The following TMCO1 variants were observed in gnomAD, a reference collection of about 807,000 sequenced individuals.
The protein encoded by TMCO1 is transmembrane and coiled-coil domains 1, also known as calcium load-activated calcium channel.
A neutral mutation model predicts 29.3 loss-of-function variants in TMCO1; 29 were observed. That is an observed-to-expected ratio of 0.99 (90% CI 0.74 to 1.35). The LOEUF is 1.35. Among genes scored for constraint, TMCO1 ranks in the 40% most tolerant of loss-of-function variants. The pLI is 0.00. For synonymous variants in TMCO1, 80 were observed against 77.1 expected, an observed-to-expected ratio of 1.04 and a Z score of -0.20; for missense variants, 173 against 225.5, an observed-to-expected ratio of 0.77 and a Z score of 1.49.
chr1:165,752,148 C>T lies in TMCO1; in HGVS notation c.277G>A (p.Ala93Thr). The change falls in exon 5 of 7, where the codon GCT (alanine) becomes ACT (threonine). Residue 93 changes from alanine (A) to threonine (T), a missense_variant. Coordinates refer to ENST00000367881, the MANE Select transcript of TMCO1 (RefSeq NM_019026.6). ...LSMVRMKSMF[A>T]IGFCFTALMG... ...AGGGCAGTAAAACAAAAGCCAATAG[C>T]AAACATGGATTTCATTCGAACCTGT... 1 of 1,612,596 alleles carries T rather than the reference C, an allele frequency of 6.2e-7. No homozygotes were observed. Among genetic ancestry groups the T allele is most frequent in the South Asian group, 1.1e-5 (1 of 91,012 alleles).
intron 1 of TMCO1, 191 bp downstream of exon 1, chr1:165,768,491 A>G (rs1216261389): frequency 3.2e-6 from 5 of 1,544,470 alleles, no homozygotes; most frequent in Non-Finnish European, 4.4e-6. Flanking sequence ...CCTGAGACCA[A>G]AGAAAACTCG....
intron 6 of TMCO1, among the ~76,000 whole-genome samples, chr1:165,739,269 C>T (rs1197313558): frequency 6.6e-6 from 1 of 152,206 alleles, no homozygotes; most frequent in African/African-American, 2.4e-5. Context: ...TTTACAGAAA[C>T]AGTTTGCCGA....
At chr1:165,753,196 G>A (rs904862927) in intron 4 of TMCO1, among the ~76,000 whole-genome samples, 1 of 152,104 alleles carries the variant, frequency 6.6e-6, no homozygotes, top group Non-Finnish European at 1.5e-5. Flanking sequence ...AAAAGAGCCA[G>A]GCACGGTAGC....
chr1:165,753,784 A>G (rs1652085303), intron 4 of TMCO1, among the ~76,000 whole-genome samples: 1 of 152,158 alleles, frequency 6.6e-6, no homozygotes, highest in African/African-American at 2.4e-5. Context: ...GCATTCCAGC[A>G]TGGTTGACAA....
intron 5 of TMCO1, among the ~76,000 whole-genome samples, chr1:165,749,129 T>C (rs1045136272): frequency 1.3e-5 from 2 of 152,240 alleles, no homozygotes; most frequent in Admixed American, 1.3e-4. Flanking sequence ...CAATTATGAA[T>C]AAACCTGCTA....
rs184996906 is a variant in TMCO1, at chr1:165,760,726, G to A, written c.149-1142C>T. Among the ~76,000 whole-genome samples, 474 of 152,100 alleles carry A rather than the reference G, an allele frequency of 3.1e-3. 2 individuals are homozygous for A. Among genetic ancestry groups the A allele is most frequent in the African/African-American group, 7.2e-3 (298 of 41,486 alleles). On this transcript the variant is annotated intron_variant, in intron 2 of 6. Transcript: ENST00000367881. ...AGAGGCAAGAGAATCGCTTGAACCC[G>A]GAAGGCAGAAGTTGCAGTGAGCCAA... is the stretch of plus-strand genomic sequence containing the variant.
At chr1:165,737,743 C>T (rs1651446968) in intron 6 of TMCO1, among the ~76,000 whole-genome samples, 1 of 152,084 alleles carries the variant, frequency 6.6e-6, no homozygotes, top group Non-Finnish European at 1.5e-5. Flanking sequence ...AATTCTATGT[C>T]CAATGAAAAT....
rs1436540682 is a variant in TMCO1 at position 165,727,608 on chromosome 1, AC to A, written c.*414del. 12 of 453,182 alleles carry A rather than the reference AC, an allele frequency of 2.6e-5. No individual in the cohort carries two copies. The highest frequency in any genetic ancestry group is 1.9e-4 in the Admixed American group (8 of 42,450). The allele number at this position is 453,182 out of a possible 1,614,324, so 28.1% of individuals were successfully genotyped here. A position where few individuals can be genotyped will look rare whatever the true frequency, so the allele number is the denominator to read the frequency against. ...GTCATGTATTTGGCTTGAAAAAAAA[AC>A]AACAACAAAACAAACAGTTACAAGG... On this transcript the variant is annotated 3_prime_UTR_variant, in exon 7 of 7. Transcript: ENST00000367881.
intron 6 of TMCO1, among the ~76,000 whole-genome samples, chr1:165,730,156 C>T (rs1651085018): frequency 1.9e-5 from 1 of 52,684 alleles, no homozygotes. Context: ...CCCGTCTGTA[C>T]TAAAAATACA....
At chr1:165,766,777 T>TAAATAAAA (rs1553251704) in intron 2 of TMCO1, among the ~76,000 whole-genome samples, 9 of 105,966 alleles carry the variant, frequency 8.5e-5, no homozygotes, top group African/African-American at 2.2e-4. Flanking sequence ...AATAAATAAA[T>TAAATAAAA]AAAAAATAAA....
intron 6 of TMCO1, among the ~76,000 whole-genome samples, chr1:165,742,187 A>G (rs1033978890): frequency 6.6e-6 from 1 of 152,248 alleles, no homozygotes; most frequent in Non-Finnish European, 1.5e-5. Context: ...AAGCCTGCCG[A>G]ACGGCAATAT....
intron 5 of TMCO1, among the ~76,000 whole-genome samples, chr1:165,746,913 A>C (rs1356279076): frequency 6.6e-6 from 1 of 152,180 alleles, no homozygotes; most frequent in East Asian, 1.9e-4. Flanking sequence ...TAGAGAATCA[A>C]ATTAAAAGCT....
intron 6 of TMCO1, among the ~76,000 whole-genome samples, chr1:165,729,319 CTT>C (rs11298819): frequency 8.8e-4 from 118 of 133,748 alleles, no homozygotes; most frequent in Admixed American, 1.1e-3. Flanking sequence ...TCTCATAATT[CTT>C]TTTTTTTTTT....
intron 3 of TMCO1, among the ~76,000 whole-genome samples, chr1:165,758,436 G>A (rs1652276272): frequency 1.3e-5 from 2 of 151,786 alleles, no homozygotes; most frequent in Admixed American, 6.6e-5. Flanking sequence ...CATGCCTATA[G>A]TCCCACCTAC....
intron 2 of TMCO1, among the ~76,000 whole-genome samples, chr1:165,764,618 G>GAGGA (rs755470215): frequency 6.6e-6 from 1 of 152,124 alleles, no homozygotes; most frequent in Non-Finnish European, 1.5e-5. Context: ...GACTAGCCCA[G>GAGGA]AGGACAGAAA....
At chr1:165,724,758 A>C (rs748804559), downstream of TMCO1, 1 of 453,780 alleles carries the variant, frequency 2.2e-6, no homozygotes, top group South Asian at 1.6e-5. Flanking sequence ...ACATCTATAG[A>C]CAACACATTA....
At position 165,736,720 on chromosome 1, in the gene TMCO1, CAA is replaced by C. The variant is rs59372599; in HGVS notation, c.468+6445_468+6446del. ...GGGCAATAAGAGCAAGACTCCATCT[CAA>C]AAAAAAAAAAAACAAAAAACAAAAA... is the stretch of plus-strand genomic sequence containing the variant. On this transcript the variant is annotated intron_variant, in intron 6 of 6. Transcript: ENST00000367881. Among the ~76,000 whole-genome samples the C allele has an allele frequency of 2.2e-4, 27 of 122,792 alleles. 1 individual carries two copies. The highest frequency in any genetic ancestry group is 5.9e-4 in the African/African-American group (20 of 34,174). 80.6% of individuals were successfully genotyped at this position (122,792 alleles called of 152,430 possible). A position where few individuals can be genotyped will look rare whatever the true frequency, so the allele number is the denominator to read the frequency against.
intron 6 of TMCO1, among the ~76,000 whole-genome samples, chr1:165,737,966 T>C (rs576227484): frequency 3.3e-5 from 5 of 152,310 alleles, no homozygotes; most frequent in Non-Finnish European, 5.9e-5. Context: ...CAGTAGTCCC[T>C]ATATCCATTA....
chr1:165,762,816 C>T (rs977856585), intron 2 of TMCO1, among the ~76,000 whole-genome samples: 8 of 152,136 alleles, frequency 5.3e-5, no homozygotes, highest in African/African-American at 1.4e-4. Context: ...GCAATTTATA[C>T]TTAGTAAGTG....
Sources: gnomAD v4.1 joint callset for allele counts (sites outside exome capture counted in the v4.1 genomes callset) on GRCh38, gnomAD v4.1.1 for gene constraint, MANE v1.5 for transcripts, NCBI Gene and HGNC (gene_info 2026-07-23, HGNC 2026-07-21) for gene names.